Variants in ZNF558 observed in about 807,000 individuals in gnomAD.
ZNF558 encodes the protein zinc finger protein 558.
ZNF558 carries 23 observed loss-of-function variants against 37.6 expected under a neutral mutation model. That is an observed-to-expected ratio of 0.61 (90% confidence interval 0.44 to 0.87). ZNF558 has a LOEUF of 0.87. ZNF558 is among the 40% of genes least tolerant of loss of function. The pLI is 0.00. For synonymous variants in ZNF558, 189 were observed against 174.4 expected (o/e 1.08, Z -0.66); for missense variants, 429 against 483.7 (o/e 0.89, Z 1.06).
At chr19:8,825,543 T>C (rs987909307) in intron 2 of ZNF558, among the ~76,000 whole-genome samples, 10 of 152,054 alleles carry the variant, frequency 6.6e-5, no homozygotes, top group African/African-American at 2.4e-4. Flanking sequence ...TACAAAGCAA[T>C]GTCATGTGTC....
In ZNF558 at chr19:8,810,235, C is replaced by T. The variant is rs544481055; in HGVS notation, c.*1046G>A. 2.6e-5 allele frequency: 4 copies of T among 152,326 alleles called. No homozygotes were observed. The highest frequency in any genetic ancestry group is 5.9e-5 in the Non-Finnish European group (4 of 68,026). 9.4% of individuals were successfully genotyped at this position (152,326 alleles called of 1,614,324 possible). ...TCAAGTCCCTTAAAAACCGATAGAACATTCAAGGCTTTCCCATAGTCACTG... is the reference window on the plus strand; with the variant it reads ...TCAAGTCCCTTAAAAACCGATAGAATATTCAAGGCTTTCCCATAGTCACTG... On this transcript the variant is annotated 3_prime_UTR_variant, in exon 10 of 10. Transcript: ENST00000601372.
chr19:8,810,732 A>G lies in ZNF558; in HGVS notation c.*549T>C, dbSNP rs2043763990. 1 of 152,440 alleles carries G rather than the reference A, an allele frequency of 6.6e-6. No individual in the cohort carries two copies. Among genetic ancestry groups the G allele is most frequent in the African/African-American group, 2.4e-5 (1 of 41,444 alleles). 9.4% of individuals were successfully genotyped at this position (152,440 alleles called of 1,614,324 possible). A position where few individuals can be genotyped will look rare whatever the true frequency, so the allele number is the denominator to read the frequency against. On this transcript the variant is annotated 3_prime_UTR_variant, in exon 10 of 10. Transcript: ENST00000601372. ...ATTCATACCTTCTGCAGTCTCTCAC[A>G]TTGTATCAGGATTGGTGTGTTGTGA...
chr19:8,814,962 C>T (rs1026746345), intron 7 of ZNF558, among the ~76,000 whole-genome samples: 3 of 152,166 alleles, frequency 2.0e-5, no homozygotes, highest in African/African-American at 7.2e-5. Flanking sequence ...GTTGTATGTT[C>T]TATAGATACA....
At chr19:8,819,012 T>G (rs1374525528) in intron 7 of ZNF558, among the ~76,000 whole-genome samples, 1 of 152,152 alleles carries the variant, frequency 6.6e-6, no homozygotes, top group Non-Finnish European at 1.5e-5. Flanking sequence ...ATAAGCAAAA[T>G]TCACTCAAAA....
chr19:8,821,267 G>A lies in ZNF558; in HGVS notation c.160C>T (p.Gln54Ter). Residue 54 changes from glutamine (Q) to a stop codon, truncating the protein, a stop_gained, in exon 7 of 10, where the codon CAG becomes TAG. Coordinates refer to ENST00000601372, the MANE Select transcript of ZNF558 (RefSeq NM_144693.3). LOFTEE classifies it high-confidence loss of function. Reference sequence around the variant, plus strand: ...GGGTCCAGCAACGCCCACTCCTCCTGGGTGAACTCCACGGCCACATCCTCG... The same window carrying A: ...GGGTCCAGCAACGCCCACTCCTCCTAGGTGAACTCCACGGCCACATCCTCG... ...TFEDVAVEFT[Q>*]EEWALLDPAQ... is the part of the protein sequence containing the mutation. 2 of 1,614,206 alleles carry A rather than the reference G, an allele frequency of 1.2e-6. No homozygotes were observed. The highest frequency in any genetic ancestry group is 1.7e-6 in the Non-Finnish European group (2 of 1,180,042).
chr19:8,830,138 C>T (rs1025960303), intron 2 of ZNF558, among the ~76,000 whole-genome samples: 8 of 152,102 alleles, frequency 5.3e-5, no homozygotes, highest in African/African-American at 1.9e-4. Flanking sequence ...AGAAGTTTGG[C>T]GTTTATGTCT....
Position 8,822,488 on chromosome 19 carries a change from C to G in ZNF558, c.31+141G>C. ...TAAGTCCCAAATCCCGAGAGCTGCC[C>G]GATCAGACACGGAGGACCTCTGGGC... On this transcript the variant is annotated intron_variant, in intron 5 of 9. Coordinates refer to ENST00000601372, the MANE Select transcript of ZNF558 (RefSeq NM_144693.3). The surrounding 1 kb of genome is among the most constrained non-coding windows in gnomAD (Gnocchi z 4.4). 3 of 1,185,386 alleles carry G rather than the reference C, an allele frequency of 2.5e-6. No individual in the cohort carries two copies. Among genetic ancestry groups the G allele is most frequent in the Non-Finnish European group, 3.6e-6 (3 of 829,058 alleles). 73.4% of individuals were successfully genotyped at this position (1,185,386 alleles called of 1,614,324 possible).
Position 8,811,691 on chromosome 19 carries a change from TAC to T in ZNF558, c.797_798del (p.Cys266Ter). The T allele has an allele frequency of 6.2e-7, 1 of 1,614,188 alleles. No individual in the cohort carries two copies. Among genetic ancestry groups the T allele is most frequent in the Non-Finnish European group, 8.5e-7 (1 of 1,180,050 alleles). ...RIHTGENHHE[C>X]NQCGKAFSTR... Reference sequence around the variant, plus strand: ...GTGCTGAAAGCTTTTCCACACTGATTACATTCATGGTGATTCTCCCCCGTGTG... The same window carrying T: ...GTGCTGAAAGCTTTTCCACACTGATTATTCATGGTGATTCTCCCCCGTGTG... On this transcript the variant is annotated frameshift_variant, in exon 10 of 10. Coordinates refer to ENST00000601372, the MANE Select transcript of ZNF558 (RefSeq NM_144693.3). LOFTEE classifies it high-confidence loss of function.
chr19:8,834,501 G>A (rs1269110162), upstream of ZNF558, among the ~76,000 whole-genome samples: 7 of 151,636 alleles, frequency 4.6e-5, no homozygotes, highest in Non-Finnish European at 1.0e-4. Flanking sequence ...CCAGCTACTC[G>A]GGAGACTGAG....
rs540670238 is a variant in ZNF558 at position 8,806,210 on chromosome 19, A to C, written c.*5071T>G. The stretch of plus-strand genomic sequence containing the variant: ...TTTATTTTGGAAAGTTTAGATATAC[A>C]TAAAAGTTGTAAAACTATACAGGGT... On this transcript the variant is annotated 3_prime_UTR_variant, in exon 10 of 10. Coordinates refer to ENST00000601372, the MANE Select transcript of ZNF558 (RefSeq NM_144693.3). 3.9e-5 allele frequency: 6 copies of C among 152,314 alleles called. No individual in the cohort carries two copies. The South Asian group carries it at 1.2e-3, about 32-fold the overall frequency. The allele number at this position is 152,314 out of a possible 1,614,324, so 9.4% of individuals were successfully genotyped here.
upstream of ZNF558, among the ~76,000 whole-genome samples, chr19:8,836,954 C>G (rs971954220): frequency 2.0e-5 from 3 of 152,264 alleles, no homozygotes; most frequent in Non-Finnish European, 4.4e-5. Flanking sequence ...AAAACATCAT[C>G]AAAGACAAAG....
rs781925900 is a variant in ZNF558, at chr19:8,812,597, A to G, written c.390T>C (p.Asn130=). 5 of 1,604,048 alleles carry G rather than the reference A, an allele frequency of 3.1e-6. No homozygotes were observed. The South Asian group carries it at 5.7e-5, about 18-fold the overall frequency. Reference sequence around the variant, plus strand: ...CTTTAGACTGTTCTTTTCTGAAAACATTCTTCTTAGGAGTTAACCATTTGG... The same window carrying G: ...CTTTAGACTGTTCTTTTCTGAAAACGTTCTTCTTAGGAGTTAACCATTTGG... The part of the protein sequence containing the change: ...LKAKWLTPKK[N]VFRKEQSKGV... Residue 130 remains asparagine, a synonymous_variant, in exon 9 of 10, where the codon AAT becomes AAC. Transcript: ENST00000601372.
intron 7 of ZNF558, among the ~76,000 whole-genome samples, chr19:8,816,299 G>A (rs1352926745): frequency 6.6e-6 from 1 of 152,172 alleles, no homozygotes; most frequent in African/African-American, 2.4e-5. Flanking sequence ...CTGACCTCAA[G>A]GGGTCCTTCT....
At chr19:8,829,069 C>T (rs1489949520) in intron 2 of ZNF558, among the ~76,000 whole-genome samples, 4 of 151,946 alleles carry the variant, frequency 2.6e-5, no homozygotes, top group East Asian at 1.9e-4. Context: ...TAAGACCAGC[C>T]GGGCCAACAT....
At position 8,811,274 on chromosome 19, in the gene ZNF558, C is replaced by G; in HGVS notation, c.*7G>C. 1.9e-6 allele frequency: 3 copies of G among 1,544,724 alleles called. No individual in the cohort carries two copies. Among genetic ancestry groups the G allele is most frequent in the Middle Eastern group, 3.7e-4 (2 of 5,458 alleles). ...GAGTGCTTTCCTCCAGAAGTTCCTG[C>G]AGTAATTCATATCCATCTATTATGT... On this transcript the variant is annotated 3_prime_UTR_variant, in exon 10 of 10. Transcript: ENST00000601372.
chr19:8,837,736 G>A, the ZNF558 span, among the ~76,000 whole-genome samples: 5 of 152,106 alleles, frequency 3.3e-5, no homozygotes, highest in Non-Finnish European at 7.4e-5. Context: ...AGTCACTTCC[G>A]GCTACCTTAA....
chr19:8,824,442 C>T lies in ZNF558; in HGVS notation c.-401-25G>A, dbSNP rs143903098. 5 of 152,262 alleles carry T rather than the reference C, an allele frequency of 3.3e-5. No homozygotes were observed. The East Asian group carries it at 5.8e-4, about 18-fold the overall frequency. The allele number at this position is 152,262 out of a possible 1,614,324, so 9.4% of individuals were successfully genotyped here. The stretch of plus-strand genomic sequence containing the variant: ...CCTGAAACACAAAAACAGTGAGAGA[C>T]GATACATGGTCATTGTTTCAAGTGA... On this transcript the variant is annotated intron_variant, in intron 3 of 9. Coordinates refer to ENST00000601372, the MANE Select transcript of ZNF558 (RefSeq NM_144693.3).
intron 8 of ZNF558, 107 bp from the exon 9 acceptor site, chr19:8,812,750 C>A: frequency 1.6e-6 from 1 of 623,816 alleles, no homozygotes; most frequent in Non-Finnish European, 2.6e-6. Flanking sequence ...AGGATGTTTG[C>A]AACAAAGAGG....
chr19:8,825,145 C>T (rs1436478074), intron 2 of ZNF558, 37 bp from the exon 3 acceptor site: 3 of 152,102 alleles, frequency 2.0e-5, no homozygotes, highest in Non-Finnish European at 4.4e-5. Context: ...AGCAAACCTG[C>T]AAAAAACATT....
Sources: gnomAD v4.1 joint callset for allele counts (sites outside exome capture counted in the v4.1 genomes callset) on GRCh38, gnomAD v4.1.1 for gene constraint, Gnocchi (gnomAD v3.1) non-coding constraint, MANE v1.5 for transcripts, NCBI Gene and HGNC (gene_info 2026-07-23, HGNC 2026-07-21) for gene names.